Variants in JAZF1 observed in about 807,000 individuals in gnomAD.
JAZF1 encodes the protein juxtaposed with another zinc finger protein 1.
Under a neutral mutation model 26.4 loss-of-function variants are expected in JAZF1, and 8 were observed. The ratio of observed to expected loss-of-function variants is 0.30; its 90% confidence interval spans 0.18 to 0.55. The LOEUF is 0.55. Among genes scored for constraint, JAZF1 ranks in the 20% least tolerant of loss-of-function variants. The pLI is 0.94. For synonymous variants in JAZF1, 126 were observed against 122.3 expected, an observed-to-expected ratio of 1.03 and a Z score of -0.20; for missense variants, 199 against 322.0, an observed-to-expected ratio of 0.62 and a Z score of 2.92.
In JAZF1 at chr7:27,832,994, A is replaced by T; in HGVS notation, c.556-18T>A. On this transcript the variant is annotated intron_variant, in intron 4 of 4. Transcript: ENST00000283928. Reference sequence around the variant, plus strand: ...TTCACATTCTGTGGAGAAGACAAAAATATTTATTACATGGATTCACAGGAT... The same window carrying T: ...TTCACATTCTGTGGAGAAGACAAAATTATTTATTACATGGATTCACAGGAT... 1 of 1,533,530 alleles carries T rather than the reference A, an allele frequency of 6.5e-7. No individual in the cohort carries two copies. Among genetic ancestry groups the T allele is most frequent in the Non-Finnish European group, 8.8e-7 (1 of 1,135,742 alleles). The allele number at this position is 1,533,530 out of a possible 1,614,324, so 95.0% of individuals were successfully genotyped here.
Position 27,939,014 on chromosome 7 carries a change from C to T in JAZF1, c.189-43598G>A, listed in dbSNP as rs547428722. ...CAGGGAGAATGGCTCTCACTTGTTT[C>T]CATGACTGATGCCGCTTTTGCCACC... is the stretch of plus-strand genomic sequence containing the variant. On this transcript the variant is annotated intron_variant, in intron 2 of 4. Transcript: ENST00000283928. Among the ~76,000 whole-genome samples, 26 of 152,238 alleles carry T rather than the reference C, an allele frequency of 1.7e-4. No homozygotes were observed. In the South Asian group the frequency reaches 2.7e-3, roughly 16 times the overall value.
At chr7:28,116,228 G>A (rs767184710) in intron 1 of JAZF1, among the ~76,000 whole-genome samples, 3 of 152,162 alleles carry the variant, frequency 2.0e-5, no homozygotes, top group Non-Finnish European at 2.9e-5. Flanking sequence ...AAAACTGGCC[G>A]AACTGGCCTT....
chr7:27,868,353 G>A (rs780678543), intron 3 of JAZF1, among the ~76,000 whole-genome samples: 4 of 152,224 alleles, frequency 2.6e-5, no homozygotes, highest in South Asian at 2.1e-4. Flanking sequence ...TGCAGATGCC[G>A]TTCCCCGGTC....
chr7:28,180,134 GGCCCCGCCGCCGCAACCCCGCC>G (rs1423918763), intron 1 of JAZF1, among the ~76,000 whole-genome samples: 1 of 118,800 alleles, frequency 8.4e-6, no homozygotes, highest in Non-Finnish European at 1.8e-5. Flanking sequence ...GCCGGCACTC[GGCCCCGCCGCCGCAACCCCGCC>G]GCCCCGCCGC....
intron 1 of JAZF1, among the ~76,000 whole-genome samples, chr7:28,016,840 A>G (rs369471445): frequency 4.6e-4 from 70 of 152,306 alleles, no homozygotes; most frequent in African/African-American, 1.6e-3. Flanking sequence ...AAGACCTACT[A>G]TGTGCCAGGT....
chr7:27,952,908 T>G (rs1785035209), intron 2 of JAZF1, among the ~76,000 whole-genome samples: 1 of 152,356 alleles, frequency 6.6e-6, no homozygotes, highest in South Asian at 2.1e-4. Context: ...TTTGATCTCT[T>G]AAATGTTACC....
intron 1 of JAZF1, among the ~76,000 whole-genome samples, chr7:28,099,768 G>A (rs543052029): frequency 2.0e-5 from 3 of 152,308 alleles, no homozygotes; most frequent in African/African-American, 7.2e-5. Flanking sequence ...GATCCACCGC[G>A]CCTGGCCTTT....
At chr7:28,092,290 CAAAAAAAAAAAAAAAA>C (rs749913273) in intron 1 of JAZF1, among the ~76,000 whole-genome samples, 114 of 12,788 alleles carry the variant, frequency 8.9e-3, no homozygotes, top group Non-Finnish European at 9.7e-3. Flanking sequence ...GGACAAAAGG[CAAAAAAAAAAAAAAAA>C]AAAAAAAAAA....
At chr7:28,129,641 T>A (rs1468448242) in intron 1 of JAZF1, among the ~76,000 whole-genome samples, 1 of 152,164 alleles carries the variant, frequency 6.6e-6, no homozygotes, top group Non-Finnish European at 1.5e-5. Context: ...CTAAAGCAGT[T>A]GAGAAAAAGT....
intron 1 of JAZF1, among the ~76,000 whole-genome samples, chr7:28,019,925 T>G (rs1234865863): frequency 6.6e-6 from 1 of 152,058 alleles, no homozygotes; most frequent in Non-Finnish European, 1.5e-5. Flanking sequence ...GTAGGAAAGG[T>G]ATTATAATTC....
At chr7:28,170,596 CTAAG>C (rs1783447364) in intron 1 of JAZF1, among the ~76,000 whole-genome samples, 4 of 152,078 alleles carry the variant, frequency 2.6e-5, no homozygotes, top group Non-Finnish European at 5.9e-5. Flanking sequence ...CCTGTCCTAC[CTAAG>C]TGTTTTCTTC....
chr7:27,848,546 C>T (rs907024772), intron 3 of JAZF1, among the ~76,000 whole-genome samples: 1 of 152,200 alleles, frequency 6.6e-6, no homozygotes, highest in Non-Finnish European at 1.5e-5. Flanking sequence ...TTTAAGGACA[C>T]AAAGGATCCA....
At chr7:27,980,206 C>T (rs1785554096) in intron 2 of JAZF1, among the ~76,000 whole-genome samples, 1 of 152,184 alleles carries the variant, frequency 6.6e-6, no homozygotes, top group Non-Finnish European at 1.5e-5. Context: ...AACCCAATGC[C>T]CCACTGTGTA....
intron 1 of JAZF1, among the ~76,000 whole-genome samples, chr7:27,995,816 C>A (rs973565963): frequency 7.9e-5 from 12 of 152,170 alleles, no homozygotes; most frequent in Non-Finnish European, 1.6e-4. Flanking sequence ...GTTTTACAGA[C>A]TCAATTACAT....
At chr7:28,167,834 T>G (rs902474760) in intron 1 of JAZF1, among the ~76,000 whole-genome samples, 1 of 152,234 alleles carries the variant, frequency 6.6e-6, no homozygotes, top group African/African-American at 2.4e-5. Context: ...AGTTAACTGC[T>G]TCATAAAGAA....
At chr7:27,952,453 T>A (rs961551928) in intron 2 of JAZF1, among the ~76,000 whole-genome samples, 5 of 152,260 alleles carry the variant, frequency 3.3e-5, no homozygotes, top group African/African-American at 1.2e-4. Flanking sequence ...GCTTTGCCCA[T>A]GCAGACACAA....
At chr7:27,971,088 T>G (rs2128359637) in intron 2 of JAZF1, among the ~76,000 whole-genome samples, 1 of 152,306 alleles carries the variant, frequency 6.6e-6, no homozygotes, top group South Asian at 2.1e-4. Context: ...AGAAGGGAAT[T>G]AATTTCTATG....
At chr7:27,899,300 A>G (rs1232882314) in intron 2 of JAZF1, among the ~76,000 whole-genome samples, 1 of 152,204 alleles carries the variant, frequency 6.6e-6, no homozygotes, top group African/African-American at 2.4e-5. Flanking sequence ...TTCACCAAAT[A>G]TCAGGTCTGG....
At chr7:28,009,839 C>T (rs1421552735) in intron 1 of JAZF1, among the ~76,000 whole-genome samples, 1 of 152,188 alleles carries the variant, frequency 6.6e-6, no homozygotes, top group Non-Finnish European at 1.5e-5. Flanking sequence ...TTGATGTTGT[C>T]ACTGACTAAT....
Sources: allele counts gnomAD v4.1 joint callset (sites outside exome capture counted in the v4.1 genomes callset), GRCh38; gene constraint gnomAD v4.1.1; transcripts MANE v1.5; gene names NCBI Gene and HGNC (gene_info 2026-07-23, HGNC 2026-07-21).